Variants in CCDC124 observed in about 807,000 individuals in gnomAD.
CCDC124 encodes coiled-coil domain containing 124.
A neutral mutation model predicts 19.8 loss-of-function variants in CCDC124; 9 were observed. The observed-to-expected ratio is 0.45, with a 90% CI of 0.27 to 0.79. The LOEUF is 0.79. Ranked by LOEUF, CCDC124 falls within the 30% of genes least tolerant of loss-of-function variation. The pLI is 0.14. For synonymous variants in CCDC124, 126 were observed against 131.3 expected (o/e 0.96, Z 0.27); for missense variants, 285 against 319.0 (o/e 0.89, Z 0.81).
At chr19:17,936,652 T>C in intron 2 of CCDC124, 73 bp downstream of exon 2, 1 of 1,520,686 alleles carries the variant, frequency 6.6e-7, no homozygotes, top group Non-Finnish European at 8.9e-7. Flanking sequence ...TCAATGTGGG[T>C]GAATAGCGAG....
In CCDC124 at chr19:17,936,594, A is replaced by G. The variant is rs1470916574; in HGVS notation, c.159+15A>G. On this transcript the variant is annotated intron_variant, in intron 2 of 4. Coordinates refer to ENST00000445755, the MANE Select transcript of CCDC124 (RefSeq NM_001136203.2). ...AGCAGCGCAAGGTGCGTGCACTCCG[A>G]GTCCCCGCGGCCCGCATGCCTTGTG... 6.2e-7 allele frequency: 1 copy of G among 1,606,746 alleles called. No individual in the cohort carries two copies. The highest frequency in any genetic ancestry group is 1.7e-5 in the Admixed American group (1 of 59,022).
At position 17,943,200 on chromosome 19, in the gene CCDC124, C is replaced by T. The variant is rs547133856; in HGVS notation, c.350-61C>T. On this transcript the variant is annotated intron_variant, in intron 3 of 4. Transcript: ENST00000445755. ...TCTCTTGCCAGTCTCTATCTCATCT[C>T]CTTGGAACTGTGCATCTTTGCTTAT... The T allele has an allele frequency of 2.9e-4, 387 of 1,330,294 alleles. 1 individual carries two copies. The highest frequency in any genetic ancestry group is 6.0e-4 in the South Asian group (48 of 79,868). 82.4% of individuals were successfully genotyped at this position (1,330,294 alleles called of 1,614,324 possible). A position where few individuals can be genotyped will look rare whatever the true frequency, so the allele number is the denominator to read the frequency against.
At chr19:17,936,843 G>A (rs891008108) in intron 2 of CCDC124, 17 of 347,250 alleles carry the variant, frequency 4.9e-5, no homozygotes, top group African/African-American at 3.0e-4. Flanking sequence ...TAACTGCGTG[G>A]TGGCGCACAC....
chr19:17,943,687 G>C lies in CCDC124; in HGVS notation c.644G>C (p.Arg215Pro). 6.2e-7 allele frequency: 1 copy of C among 1,612,806 alleles called. No individual in the cohort carries two copies. The highest frequency in any genetic ancestry group is 8.5e-7 in the Non-Finnish European group (1 of 1,179,932). ...TCTCCTGACAACCCCATGAACCAGC[G>C]GGCCGTGCCCTTCAATGCCCCCAAG... ...LRSPDNPMNQ[R>P]AVPFNAPK is the part of the protein sequence containing the mutation. Residue 215 changes from arginine to proline, a missense_variant, in exon 5 of 5, where the codon CGG (arginine) becomes CCG (proline). By Grantham distance (103) the Arg-to-Pro change is moderately radical (BLOSUM62 -2). Coordinates refer to ENST00000445755, the MANE Select transcript of CCDC124 (RefSeq NM_001136203.2).
intron 2 of CCDC124, among the ~76,000 whole-genome samples, chr19:17,937,775 C>T (rs4808104): frequency 0.13 from 19,906 of 151,868 alleles, 2,966 homozygotes; most frequent in African/African-American, 0.37. Flanking sequence ...CCTCTGTTGC[C>T]CAGGCTGGAG....
chr19:17,936,366 T>TC, intron 1 of CCDC124, 44 bp from the exon 2 acceptor site: 1 of 1,509,878 alleles, frequency 6.6e-7, no homozygotes, highest in Non-Finnish European at 9.0e-7. Context: ...AGTGCCGATG[T>TC]CCCCTCCGGC....
chr19:17,939,922 CTTT>C (rs368842369), intron 2 of CCDC124, among the ~76,000 whole-genome samples: 1 of 117,290 alleles, frequency 8.5e-6, no homozygotes. Flanking sequence ...CGCACCTGGC[CTTT>C]TTTTTTTTTT....
At chr19:17,933,142 TG>T (rs2030983419) in intron 1 of CCDC124, 94 bp downstream of exon 1, 1 of 152,436 alleles carries the variant, frequency 6.6e-6, no homozygotes, top group Non-Finnish European at 1.5e-5. Flanking sequence ...CTGGGAAGGC[TG>T]GAGGAGGGGT....
At chr19:17,935,868 C>A (rs1021949468) in intron 1 of CCDC124, among the ~76,000 whole-genome samples, 1 of 151,932 alleles carries the variant, frequency 6.6e-6, no homozygotes, top group South Asian at 2.1e-4. Context: ...CAGGCGTGAG[C>A]CACTGTGCCT....
intron 2 of CCDC124, among the ~76,000 whole-genome samples, chr19:17,941,721 G>C (rs2147781340): frequency 6.6e-6 from 1 of 152,186 alleles, no homozygotes; most frequent in Non-Finnish European, 1.5e-5. Flanking sequence ...TCAGGCCCTG[G>C]CAGTGTCCTT....
intron 1 of CCDC124, among the ~76,000 whole-genome samples, chr19:17,935,848 G>A (rs1030929584): frequency 3.3e-5 from 5 of 152,170 alleles, no homozygotes; most frequent in African/African-American, 1.2e-4. Context: ...CTCCCAAAGT[G>A]CTAGGATTAC....
chr19:17,935,281 G>T, intron 1 of CCDC124: 1 of 152,414 alleles, frequency 6.6e-6, no homozygotes. Flanking sequence ...GCAGATTGAT[G>T]GTTACCAGGG....
chr19:17,935,214 T>C (rs2031033587), intron 1 of CCDC124: 1 of 152,250 alleles, frequency 6.6e-6, no homozygotes, highest in Non-Finnish European at 1.5e-5. Context: ...ACCCGGCCTG[T>C]GATTCCATTG....
In CCDC124 at chr19:17,942,794, A is replaced by C. The variant is rs143989433; in HGVS notation, c.298A>C (p.Ile100Leu). ...ATSSKVTRAQ[I>L]EDTLRRDHQL... ...GTCCAGCAAGGTCACCCGGGCCCAG[A>C]TCGAGGACACGCTGCGCCGAGACCA... Residue 100 changes from isoleucine to leucine, a missense_variant, in exon 3 of 5, where the codon ATC (isoleucine) becomes CTC (leucine). Ile to Leu is a conservative substitution (Grantham distance 5). Coordinates refer to ENST00000445755, the MANE Select transcript of CCDC124 (RefSeq NM_001136203.2). The surrounding 1 kb of genome is among the most constrained non-coding windows in gnomAD (Gnocchi z 4.2). 1 of 1,544,606 alleles carries C rather than the reference A, an allele frequency of 6.5e-7. No individual in the cohort carries two copies. Among genetic ancestry groups the C allele is most frequent in the African/African-American group, 1.4e-5 (1 of 72,924 alleles).
intron 1 of CCDC124, chr19:17,936,190 C>T: frequency 2.2e-6 from 1 of 448,600 alleles, no homozygotes; most frequent in Non-Finnish European, 4.0e-6. Context: ...CGGGTGTGAG[C>T]CACCAGACCT....
intron 1 of CCDC124, among the ~76,000 whole-genome samples, chr19:17,934,674 T>G (rs1230190215): frequency 6.7e-6 from 1 of 149,556 alleles, no homozygotes; most frequent in Non-Finnish European, 1.5e-5. Context: ...TCCCAGCTAC[T>G]TAGGAGGCTC....
chr19:17,936,344 C>T (rs2031061687), intron 1 of CCDC124, 66 bp from the exon 2 acceptor site: 2 of 1,361,276 alleles, frequency 1.5e-6, no homozygotes, highest in African/African-American at 1.4e-5. Context: ...AAGTGTGATT[C>T]TGGGGGTGCT....
chr19:17,936,699 G>T, intron 2 of CCDC124, 120 bp downstream of exon 2: 1 of 1,297,084 alleles, frequency 7.7e-7, no homozygotes, highest in East Asian at 2.6e-5. Flanking sequence ...GGCCAGGAGG[G>T]ACCAGGCGCT....
chr19:17,938,589 G>A lies in CCDC124; in HGVS notation c.159+2010G>A, dbSNP rs529107337. 6.6e-5 allele frequency among the ~76,000 whole-genome samples: 10 copies of A among 152,148 alleles called. No homozygotes were observed. In the East Asian group the frequency reaches 7.7e-4, roughly 12 times the overall value. On this transcript the variant is annotated intron_variant, in intron 2 of 4. Transcript: ENST00000445755. Reference sequence around the variant, plus strand: ...CTGGACATTCCCACCTGTTTTACCCGTCATCTTTTTTTTGTTTTTTTAAAG... The same window carrying A: ...CTGGACATTCCCACCTGTTTTACCCATCATCTTTTTTTTGTTTTTTTAAAG...
Sources: allele counts gnomAD v4.1 joint callset (sites outside exome capture counted in the v4.1 genomes callset), GRCh38; gene constraint gnomAD v4.1.1; non-coding constraint Gnocchi (gnomAD v3.1); transcripts MANE v1.5; gene names NCBI Gene and HGNC (gene_info 2026-07-23, HGNC 2026-07-21).